SMURF1: variants seen among roughly 807,000 people sequenced by gnomAD.
SMURF1 encodes the protein E3 ubiquitin-protein ligase SMURF1.
Under a neutral mutation model 98.0 loss-of-function variants are expected in SMURF1, and 44 were observed. The observed-to-expected ratio is 0.45, with a 90% confidence interval of 0.35 to 0.58. SMURF1 has a LOEUF of 0.58. Ranked by LOEUF, SMURF1 falls within the 20% of genes least tolerant of loss-of-function variation. The pLI, the probability that SMURF1 is intolerant of heterozygous loss-of-function variation, is 0.00. For missense variants in SMURF1, 687 were observed against 938.4 expected (o/e 0.73, Z 3.50); for synonymous variants, 396 against 374.9 (o/e 1.06, Z -0.65).
chr7:99,063,297 A>G (rs1796109337), intron 1 of SMURF1, among the ~76,000 whole-genome samples: 2 of 30,236 alleles, frequency 6.6e-5, no homozygotes, highest in Non-Finnish European at 1.6e-4. Flanking sequence ...ATATATATAT[A>G]TATATATAAA....
At chr7:99,105,956 G>A (rs1040062328) in intron 1 of SMURF1, among the ~76,000 whole-genome samples, 6 of 152,036 alleles carry the variant, frequency 3.9e-5, no homozygotes, top group Admixed American at 6.6e-5. Context: ...CTCCCAATCC[G>A]TCATCCCTTT....
At chr7:99,038,284 G>T in intron 14 of SMURF1, 104 bp downstream of exon 14, 3 of 1,341,976 alleles carry the variant, frequency 2.2e-6, no homozygotes, top group South Asian at 1.3e-5. Flanking sequence ...ATAAGCACCA[G>T]CCATCAGGGA....
At chr7:99,077,332 T>A (rs976146769) in intron 1 of SMURF1, among the ~76,000 whole-genome samples, 1 of 145,548 alleles carries the variant, frequency 6.9e-6, no homozygotes, top group Non-Finnish European at 1.6e-5. Context: ...ATTTTTTTTA[T>A]TTTTTTTTAT....
rs185068248 is a variant in SMURF1, at chr7:99,058,022, A to G, written c.204-471T>C. 6.8e-4 allele frequency among the ~76,000 whole-genome samples: 103 copies of G among 152,350 alleles called. 1 individual carries two copies. The highest frequency in any genetic ancestry group is 2.4e-3 in the African/African-American group (100 of 41,586). ...AATAAATACGTATCCATTAATTTCA[A>G]CAAGCTGGGAAGAAGAACTACCTTG... On this transcript the variant is annotated intron_variant, in intron 3 of 17. Transcript: ENST00000361368.
rs918513982 is a variant in SMURF1 at position 99,030,355 on chromosome 7, T to C, written c.*229A>G. 8 of 531,042 alleles carry C rather than the reference T, an allele frequency of 1.5e-5. No homozygotes were observed. Among genetic ancestry groups the C allele is most frequent in the Non-Finnish European group, 2.7e-5 (8 of 293,330 alleles). 32.9% of individuals were successfully genotyped at this position (531,042 alleles called of 1,614,324 possible). On this transcript the variant is annotated 3_prime_UTR_variant, in exon 18 of 18. Transcript: ENST00000361368. ...CTAAACCTGGCTGCATTTTATTGGA[T>C]GGGTGATGGAAGTGGGTGGGAGTAC... is the stretch of plus-strand genomic sequence containing the variant.
At chr7:99,063,246 TATATATATATATATATATATATATATA>T (rs1563012623) in intron 1 of SMURF1, among the ~76,000 whole-genome samples, 3 of 2,842 alleles carry the variant, frequency 1.1e-3, no homozygotes, top group African/African-American at 1.8e-3. Context: ...TTTATTTATA[TATATATATATATATATATATATATATA>T]TATATATATA....
intron 8 of SMURF1, chr7:99,050,932 G>A: frequency 5.8e-6 from 9 of 1,551,156 alleles, no homozygotes; most frequent in Non-Finnish European, 7.8e-6. Flanking sequence ...CAGATGTATG[G>A]CCTTGTAGAA....
rs1795332636 is a variant in SMURF1 at position 99,040,424 on chromosome 7, G to A, written c.1504C>T (p.Leu502=). The change falls in exon 13 of 18, where the codon CTG becomes TTG. Residue 502 remains leucine (L), a synonymous_variant. Coordinates refer to ENST00000361368, the MANE Select transcript of SMURF1 (RefSeq NM_181349.3). ...LLGKPIQLSD[L]ESVDPELHKS... The stretch of plus-strand genomic sequence containing the variant: ...TGCAGCTCTGGGTCCACAGATTCCA[G>A]ATCTGAGAGCTGGATGGGCTTCCCC... 6.3e-7 allele frequency: 1 copy of A among 1,589,022 alleles called. No homozygotes were observed. The highest frequency in any genetic ancestry group is 8.6e-7 in the Non-Finnish European group (1 of 1,168,260).
chr7:99,042,569 T>C (rs1709726), intron 11 of SMURF1, among the ~76,000 whole-genome samples: 152,190 of 152,376 alleles, frequency 1, 76,002 homozygotes, highest in Middle Eastern at 1. Flanking sequence ...GCCACCACGC[T>C]CAGCCTAAGT....
At chr7:99,114,566 A>G (rs1253961096) in intron 1 of SMURF1, among the ~76,000 whole-genome samples, 1 of 152,200 alleles carries the variant, frequency 6.6e-6, no homozygotes, top group East Asian at 1.9e-4. Flanking sequence ...TGTTGGAGAC[A>G]GCAATACTCC....
At chr7:99,064,034 G>A (rs1049122291) in intron 1 of SMURF1, among the ~76,000 whole-genome samples, 8 of 152,116 alleles carry the variant, frequency 5.3e-5, no homozygotes, top group Admixed American at 1.3e-4. Flanking sequence ...TGCTGTTTTG[G>A]TGTTTGGCCT....
Position 99,049,647 on chromosome 7 carries a change from C to T in SMURF1, c.869G>A (p.Ser290Asn). 1 of 1,614,194 alleles carries T rather than the reference C, an allele frequency of 6.2e-7. No individual in the cohort carries two copies. The highest frequency in any genetic ancestry group is 8.5e-7 in the Non-Finnish European group (1 of 1,180,016). The change falls in exon 9 of 18, where the codon AGT (serine) becomes AAT (asparagine). Residue 290 changes from serine to asparagine, a missense_variant. By Grantham distance (46) the Ser-to-Asn change is conservative. Transcript: ENST00000361368. ...AAAATATATCCTCCCAGAAACTGTA[C>T]TTCTGACTTCCCAGCCTGGCGGCAG... ...GPLPPGWEVR[S>N]TVSGRIYFVD...
intron 1 of SMURF1, among the ~76,000 whole-genome samples, chr7:99,106,702 G>A (rs1797201842): frequency 6.6e-6 from 1 of 152,154 alleles, no homozygotes; most frequent in Non-Finnish European, 1.5e-5. Flanking sequence ...GCTTGAGCCT[G>A]GGAGTTCAAA....
chr7:99,063,288 TATATATATATATATATAA>T (rs1796107821), intron 1 of SMURF1, among the ~76,000 whole-genome samples: 2 of 20,018 alleles, frequency 1.0e-4, no homozygotes, highest in Non-Finnish European at 2.2e-4. Flanking sequence ...TATATATATA[TATATATATATATATATAA>T]AAAGAGACAG....
At position 99,038,375 on chromosome 7, in the gene SMURF1, C is replaced by A. The variant is rs1468302451; in HGVS notation, c.1688+13G>T. 8 of 1,613,188 alleles carry A rather than the reference C, an allele frequency of 5.0e-6. No individual in the cohort carries two copies. Among genetic ancestry groups the A allele is most frequent in the Non-Finnish European group, 6.8e-6 (8 of 1,179,782 alleles). On this transcript the variant is annotated intron_variant, in intron 14 of 17. Coordinates refer to ENST00000361368, the MANE Select transcript of SMURF1 (RefSeq NM_181349.3). ...GCCCCAGGCACCTGGCCGTCCCCGA[C>A]AGGTGGCATTACCGGACGTATTCTT...
intron 14 of SMURF1, among the ~76,000 whole-genome samples, chr7:99,037,909 A>C (rs1562998201): frequency 6.6e-6 from 1 of 152,238 alleles, no homozygotes; most frequent in Non-Finnish European, 1.5e-5. Flanking sequence ...TAAATGTGTA[A>C]AAGTACATTT....
At chr7:99,108,031 C>G (rs1797229684) in intron 1 of SMURF1, among the ~76,000 whole-genome samples, 1 of 152,148 alleles carries the variant, frequency 6.6e-6, no homozygotes, top group Non-Finnish European at 1.5e-5. Flanking sequence ...TAACAGACAT[C>G]TCTGAACTCA....
intron 1 of SMURF1, among the ~76,000 whole-genome samples, chr7:99,082,081 T>C (rs1225077085): frequency 6.6e-6 from 1 of 152,262 alleles, no homozygotes; most frequent in Non-Finnish European, 1.5e-5. Flanking sequence ...GTTGGTAGCC[T>C]TCTTTGGAGA....
chr7:99,115,962 T>C (rs1362321922), intron 1 of SMURF1, among the ~76,000 whole-genome samples: 1 of 152,086 alleles, frequency 6.6e-6, no homozygotes, highest in Non-Finnish European at 1.5e-5. Context: ...GTGAGGCCAG[T>C]ATCACCCAGA....
Sources: allele counts gnomAD v4.1 joint callset (sites outside exome capture counted in the v4.1 genomes callset), GRCh38; gene constraint gnomAD v4.1.1; transcripts MANE v1.5; gene names NCBI Gene and HGNC (gene_info 2026-07-23, HGNC 2026-07-21).